The following SCFD2 variants were observed in gnomAD, a reference collection of about 807,000 sequenced individuals.
SCFD2 encodes sec1 family domain containing 2.
Under a neutral mutation model 58.9 loss-of-function variants are expected in SCFD2, and 54 were observed. The ratio of observed to expected loss-of-function variants is 0.92; its 90% CI spans 0.74 to 1.15. The LOEUF is 1.15. SCFD2 is among the 50% of genes most tolerant of loss of function. The pLI is 0.00. For missense variants in SCFD2, 805 were observed against 836.6 expected (o/e 0.96, Z 0.47); for synonymous variants, 321 against 335.9 (o/e 0.96, Z 0.49).
intron 3 of SCFD2, among the ~76,000 whole-genome samples, chr4:53,285,878 T>C (rs1248120675): frequency 6.6e-6 from 1 of 152,080 alleles, no homozygotes; most frequent in Non-Finnish European, 1.5e-5. Flanking sequence ...GGGAGCTGCC[T>C]AGAGTTCACA....
chr4:53,062,242 G>T (rs1245005340), intron 5 of SCFD2, among the ~76,000 whole-genome samples: 1 of 151,732 alleles, frequency 6.6e-6, no homozygotes, highest in Non-Finnish European at 1.5e-5. Context: ...CAAGGTGGTA[G>T]GCGCCTGTAA....
intron 5 of SCFD2, among the ~76,000 whole-genome samples, chr4:52,954,555 G>A (rs1479304190): frequency 6.6e-6 from 1 of 152,138 alleles, no homozygotes; most frequent in Non-Finnish European, 1.5e-5. Flanking sequence ...CTGAAAAGCA[G>A]GAATTTCATA....
At chr4:53,142,339 A>G (rs536697084) in intron 5 of SCFD2, among the ~76,000 whole-genome samples, 21 of 152,358 alleles carry the variant, frequency 1.4e-4, no homozygotes, top group Admixed American at 1.3e-3. Flanking sequence ...TATAAAAAGT[A>G]GAATTGTTAT....
intron 8 of SCFD2, 86 bp from the exon 9 acceptor site, chr4:52,874,147 A>AAT (rs1718415330): frequency 1.1e-6 from 1 of 930,148 alleles, no homozygotes; most frequent in Non-Finnish European, 1.8e-6. Flanking sequence ...GAATGCAACA[A>AAT]ATGTCTTTGG....
intron 2 of SCFD2, among the ~76,000 whole-genome samples, chr4:53,318,756 T>A (rs752899192): frequency 3.3e-5 from 5 of 152,156 alleles, no homozygotes; most frequent in Non-Finnish European, 5.9e-5. Flanking sequence ...ATGGCCAAAT[T>A]AAGGAAAATT....
intron 5 of SCFD2, among the ~76,000 whole-genome samples, chr4:52,995,246 CACAAG>C (rs1411191814): frequency 6.6e-6 from 1 of 152,144 alleles, no homozygotes; most frequent in Non-Finnish European, 1.5e-5. Context: ...ATTAGATTCT[CACAAG>C]GAGCGCGGAA....
At chr4:52,893,234 TTCTC>T (rs150709202) in intron 7 of SCFD2, among the ~76,000 whole-genome samples, 26 of 151,026 alleles carry the variant, frequency 1.7e-4, no homozygotes, top group African/African-American at 1.9e-4. Flanking sequence ...TTTCCCTTCT[TTCTC>T]TCTCTCTCTC....
chr4:53,225,832 C>T lies in SCFD2; in HGVS notation c.1311+47994G>A, dbSNP rs148886907. Reference sequence around the variant, plus strand: ...CCTTTCTCTAAACCACTAAGCCATACTATTATCAAATTTGGTGGCTTTCCC... The same window carrying T: ...CCTTTCTCTAAACCACTAAGCCATATTATTATCAAATTTGGTGGCTTTCCC... On this transcript the variant is annotated intron_variant, in intron 4 of 8. Coordinates refer to ENST00000401642, the MANE Select transcript of SCFD2 (RefSeq NM_152540.4). Among the ~76,000 whole-genome samples the T allele has an allele frequency of 3.9e-3, 598 of 152,324 alleles. 3 individuals are homozygous for T. Among genetic ancestry groups the T allele is most frequent in the African/African-American group, 0.014 (565 of 41,576 alleles).
chr4:53,166,139 A>T (rs966762350), intron 4 of SCFD2, among the ~76,000 whole-genome samples: 1 of 152,196 alleles, frequency 6.6e-6, no homozygotes. Flanking sequence ...ATTCCACTGT[A>T]TGTATATACT....
chr4:53,030,642 G>A (rs1426749915), intron 5 of SCFD2, among the ~76,000 whole-genome samples: 6 of 152,042 alleles, frequency 3.9e-5, no homozygotes, highest in African/African-American at 1.4e-4. Context: ...GGCTGGTCTC[G>A]AACTCCTGAC....
At chr4:53,136,376 T>C (rs1193891172) in intron 5 of SCFD2, among the ~76,000 whole-genome samples, 1 of 152,210 alleles carries the variant, frequency 6.6e-6, no homozygotes, top group Non-Finnish European at 1.5e-5. Context: ...TAGATAATTG[T>C]TGAGAACATT....
At chr4:53,223,122 T>TA (rs1246401887) in intron 4 of SCFD2, among the ~76,000 whole-genome samples, 2 of 152,152 alleles carry the variant, frequency 1.3e-5, no homozygotes, top group Non-Finnish European at 2.9e-5. Context: ...CTGAAAAAAA[T>TA]ATATAAATCA....
chr4:53,306,966 G>C (rs62324297), intron 3 of SCFD2, among the ~76,000 whole-genome samples: 2 of 152,282 alleles, frequency 1.3e-5, no homozygotes, highest in African/African-American at 4.8e-5. Context: ...AAGATGGCAC[G>C]CCAACTGCAT....
chr4:52,923,607 G>A (rs1719795848), intron 5 of SCFD2, among the ~76,000 whole-genome samples: 2 of 152,142 alleles, frequency 1.3e-5, no homozygotes, highest in Admixed American at 6.5e-5. Context: ...TGGGGGGTAG[G>A]GGAAGAATGA....
At chr4:53,269,900 C>T (rs1379999073) in intron 4 of SCFD2, among the ~76,000 whole-genome samples, 1 of 152,158 alleles carries the variant, frequency 6.6e-6, no homozygotes, top group African/African-American at 2.4e-5. Context: ...GTGGTGCACA[C>T]CCGTAATTCC....
At chr4:52,942,749 C>T (rs1179381356) in intron 5 of SCFD2, among the ~76,000 whole-genome samples, 1 of 151,986 alleles carries the variant, frequency 6.6e-6, no homozygotes, top group Non-Finnish European at 1.5e-5. Context: ...GGGAGAGGGA[C>T]TAAGGTCCAG....
intron 3 of SCFD2, among the ~76,000 whole-genome samples, chr4:53,274,267 T>C (rs1731263663): frequency 1.3e-5 from 2 of 152,200 alleles, no homozygotes. Flanking sequence ...GAATTCATTT[T>C]ATCATTATGT....
intron 7 of SCFD2, among the ~76,000 whole-genome samples, chr4:52,906,919 C>A (rs1187522338): frequency 2.0e-5 from 3 of 152,098 alleles, no homozygotes; most frequent in Non-Finnish European, 4.4e-5. Flanking sequence ...TCCTTTCATC[C>A]CCACTTCAAG....
At chr4:52,897,602 A>G (rs539390681) in intron 7 of SCFD2, among the ~76,000 whole-genome samples, 1 of 152,298 alleles carries the variant, frequency 6.6e-6, no homozygotes, top group Non-Finnish European at 1.5e-5. Context: ...CATCAAGGAC[A>G]TTGGTCTAAA....
Sources: gnomAD v4.1 joint callset for allele counts (sites outside exome capture counted in the v4.1 genomes callset) on GRCh38, gnomAD v4.1.1 for gene constraint, MANE v1.5 for transcripts, NCBI Gene and HGNC (gene_info 2026-07-23, HGNC 2026-07-21) for gene names.